The following RERE variants were observed in gnomAD, a reference collection of about 807,000 sequenced individuals.
RERE encodes arginine-glutamic acid dipeptide repeats protein.
A neutral mutation model predicts 146.1 loss-of-function variants in RERE; 40 were observed. That is an observed-to-expected ratio of 0.27 (90% CI 0.21 to 0.36). The LOEUF is 0.36. Ranked by LOEUF, RERE falls within the 10% of genes least tolerant of loss-of-function variation. The pLI, the probability that RERE is intolerant of heterozygous loss-of-function variation, is 1.00. For synonymous variants in RERE, 1,003 were observed against 866.0 expected (o/e 1.16, Z -2.78); for missense variants, 1,933 against 2,138.7 (o/e 0.90, Z 1.90).
At chr1:8,557,663 T>C (rs1334533674) in intron 4 of RERE, 140 bp from the exon 5 acceptor site, 2 of 654,062 alleles carry the variant, frequency 3.1e-6, no homozygotes, top group Non-Finnish European at 5.5e-6. Context: ...ACCACAACAA[T>C]ACATAAGTCA....
intron 11 of RERE, among the ~76,000 whole-genome samples, chr1:8,458,561 A>G (rs1359795090): frequency 1.3e-5 from 2 of 152,256 alleles, no homozygotes; most frequent in East Asian, 3.8e-4. Context: ...CTAAACACAG[A>G]CGTGTGCGCA....
intron 4 of RERE, among the ~76,000 whole-genome samples, chr1:8,610,407 A>G (rs3850466): frequency 0.85 from 129,308 of 151,846 alleles, 55,332 homozygotes; most frequent in East Asian, 0.95. Context: ...TGGCCAACAT[A>G]GTGAAACCCT....
At chr1:8,560,346 TCTCCCCTGTGGGGACAA>T (rs572549791) in intron 4 of RERE, among the ~76,000 whole-genome samples, 4 of 152,186 alleles carry the variant, frequency 2.6e-5, no homozygotes, top group Non-Finnish European at 4.4e-5. Flanking sequence ...CATTGCTAAA[TCTCCCCTGTGGGGACAA>T]AATTGTCCCT....
At chr1:8,683,686 T>C (rs1639024948) in intron 1 of RERE, among the ~76,000 whole-genome samples, 1 of 152,240 alleles carries the variant, frequency 6.6e-6, no homozygotes, top group East Asian at 1.9e-4. Flanking sequence ...CTCAGGTCTG[T>C]AAACCCAGCA....
intron 1 of RERE, among the ~76,000 whole-genome samples, chr1:8,723,232 A>G (rs1639896860): frequency 6.6e-6 from 1 of 152,230 alleles, no homozygotes; most frequent in Non-Finnish European, 1.5e-5. Flanking sequence ...CTCAGCAACA[A>G]TATACCCTCA....
chr1:8,606,773 A>AT (rs1283713561), intron 4 of RERE, among the ~76,000 whole-genome samples: 1 of 152,138 alleles, frequency 6.6e-6, no homozygotes, highest in Non-Finnish European at 1.5e-5. Flanking sequence ...AAAATCTAAG[A>AT]TTTTCTATTC....
chr1:8,801,284 TTTG>T (rs1641587642), intron 1 of RERE, among the ~76,000 whole-genome samples: 1 of 152,030 alleles, frequency 6.6e-6, no homozygotes, highest in African/African-American at 2.4e-5. Flanking sequence ...TTTTTTTTTT[TTTG>T]AGACGGAGTT....
chr1:8,567,729 C>CGG lies in RERE; in HGVS notation c.523-10207_523-10206insCC, dbSNP rs1189977972. On this transcript the variant is annotated intron_variant, in intron 4 of 22. Transcript: ENST00000400908. ...TTTGTTTGTAGCAGAGAGGCCAAAA[C>CGG]TAAGCACAGGTAAAACCTTGGGAAT... Among the ~76,000 whole-genome samples the CGG allele has an allele frequency of 3.9e-5, 6 of 152,288 alleles. No homozygotes were observed. The East Asian group carries it at 1.2e-3, about 29-fold the overall frequency.
intron 1 of RERE, among the ~76,000 whole-genome samples, chr1:8,733,417 C>A (rs1002282569): frequency 6.6e-6 from 1 of 152,216 alleles, no homozygotes; most frequent in African/African-American, 2.4e-5. Flanking sequence ...TGAGCTCTGC[C>A]TCCTGGTATT....
chr1:8,638,276 TG>T (rs1246555612), intron 2 of RERE, among the ~76,000 whole-genome samples: 50 of 152,360 alleles, frequency 3.3e-4, no homozygotes, highest in Admixed American at 1.6e-3. Context: ...TATTTTGAGA[TG>T]TTTTTTCCAT....
chr1:8,482,682 A>C (rs576126594), intron 10 of RERE, among the ~76,000 whole-genome samples: 44 of 39,364 alleles, frequency 1.1e-3, no homozygotes, highest in African/African-American at 4.1e-3. Context: ...ATTCTGTTGC[A>C]AAAAAAAAAA....
chr1:8,601,626 C>CCCCACACACACA (rs1553119505), intron 4 of RERE, among the ~76,000 whole-genome samples: 2 of 94,914 alleles, frequency 2.1e-5, no homozygotes, highest in African/African-American at 8.8e-5. Context: ...TCCAAGGTCA[C>CCCCACACACACA]CACACACACA....
At chr1:8,573,630 A>C (rs1646251488) in intron 4 of RERE, among the ~76,000 whole-genome samples, 1 of 152,210 alleles carries the variant, frequency 6.6e-6, no homozygotes. Flanking sequence ...TTCACACATA[A>C]AACTTTTCTA....
At chr1:8,815,861 G>GTGTGTGTGTGTGTA (rs948203300) in intron 1 of RERE, among the ~76,000 whole-genome samples, 1 of 151,548 alleles carries the variant, frequency 6.6e-6, no homozygotes, top group Non-Finnish European at 1.5e-5. Flanking sequence ...GTGTGTGTGT[G>GTGTGTGTGTGTGTA]TATATGTGTG....
At chr1:8,754,210 CTT>C (rs550370384) in intron 1 of RERE, among the ~76,000 whole-genome samples, 1 of 143,880 alleles carries the variant, frequency 7.0e-6, no homozygotes, top group African/African-American at 2.5e-5. Context: ...CTCCCAATTC[CTT>C]TTTTTTTTTT....
chr1:8,398,267 G>T (rs1222114449), intron 12 of RERE, among the ~76,000 whole-genome samples: 1 of 152,262 alleles, frequency 6.6e-6, no homozygotes, highest in Non-Finnish European at 1.5e-5. Context: ...AAGCAGTAGG[G>T]AAGGGGCTTG....
rs1641388073 is a variant in RERE at position 8,358,404 on chromosome 1, C to T, written c.4131G>A (p.Glu1377=). 6.2e-6 allele frequency: 10 copies of T among 1,605,976 alleles called. No individual in the cohort carries two copies. Among genetic ancestry groups the T allele is most frequent in the Non-Finnish European group, 8.5e-6 (10 of 1,175,110 alleles). The change falls in exon 20 of 23, where the codon GAG becomes GAA. Residue 1377 remains glutamate (E), a synonymous_variant. Transcript: ENST00000400908. ...GCTGGGGGCCCGCCAGGGCCAGTCT[C>T]TCCCTCTCCAAGGGGTTCAGGCCCG... The part of the protein sequence containing the change: ...FHPGLNPLER[E]RLALAGPQLR...
intron 8 of RERE, among the ~76,000 whole-genome samples, chr1:8,507,679 G>A (rs1245460105): frequency 6.6e-6 from 1 of 151,628 alleles, no homozygotes; most frequent in Non-Finnish European, 1.5e-5. Context: ...AAAGTACTGG[G>A]ATTATAGGCG....
intron 7 of RERE, among the ~76,000 whole-genome samples, chr1:8,511,362 T>C (rs1232061744): frequency 6.6e-6 from 1 of 152,254 alleles, no homozygotes. Context: ...TAAAAGCTTA[T>C]TTAAAAATCC....
Sources: allele counts gnomAD v4.1 joint callset (sites outside exome capture counted in the v4.1 genomes callset), GRCh38; gene constraint gnomAD v4.1.1; transcripts MANE v1.5; gene names NCBI Gene and HGNC (gene_info 2026-07-23, HGNC 2026-07-21).